TMEFF1: variants seen among roughly 807,000 people sequenced by gnomAD.
TMEFF1 encodes the protein transmembrane protein with EGF like and two follistatin like domains 1.
In TMEFF1, 20 loss-of-function variants were observed where a neutral mutation model predicts 47.5. That is an observed-to-expected ratio of 0.42 (90% CI 0.30 to 0.61). The LOEUF is 0.61. Ranked by LOEUF, TMEFF1 falls within the 20% of genes least tolerant of loss-of-function variation. TMEFF1 has a pLI of 0.19. For missense variants in TMEFF1, 411 were observed against 471.1 expected (o/e 0.87, Z 1.18); for synonymous variants, 162 against 166.3 (o/e 0.97, Z 0.20).
chr9:100,531,140 A>C (rs369792344), intron 5 of TMEFF1, among the ~76,000 whole-genome samples: 7 of 152,180 alleles, frequency 4.6e-5, no homozygotes, highest in Non-Finnish European at 5.9e-5. Flanking sequence ...ATACTGAATG[A>C]GCAAAAACTG....
At chr9:100,475,659 TAAAAG>T (rs1837209719) in intron 1 of TMEFF1, among the ~76,000 whole-genome samples, 3 of 151,594 alleles carry the variant, frequency 2.0e-5, no homozygotes, top group Admixed American at 6.6e-5. Flanking sequence ...AGAAAGGAAA[TAAAAG>T]AAATAGAGGG....
At chr9:100,531,175 A>G (rs1021388875) in intron 5 of TMEFF1, among the ~76,000 whole-genome samples, 4 of 152,214 alleles carry the variant, frequency 2.6e-5, no homozygotes, top group African/African-American at 9.6e-5. Flanking sequence ...GAAAACGGGC[A>G]CAAGACAGGG....
intron 7 of TMEFF1, among the ~76,000 whole-genome samples, chr9:100,553,694 T>C (rs1838867038): frequency 6.6e-6 from 1 of 152,246 alleles, no homozygotes; most frequent in Non-Finnish European, 1.5e-5. Flanking sequence ...GAGATGGGTA[T>C]GTGGCATTTA....
At chr9:100,559,796 T>C (rs1230185016) in intron 7 of TMEFF1, among the ~76,000 whole-genome samples, 1 of 152,172 alleles carries the variant, frequency 6.6e-6, no homozygotes, top group Non-Finnish European at 1.5e-5. Flanking sequence ...AGAATTTATA[T>C]GTTAGGTTCC....
At chr9:100,487,194 C>T (rs1837466386) in intron 1 of TMEFF1, among the ~76,000 whole-genome samples, 1 of 151,840 alleles carries the variant, frequency 6.6e-6, no homozygotes, top group African/African-American at 2.4e-5. Flanking sequence ...GGCAGGGTCT[C>T]ACTCTGTCAG....
chr9:100,508,966 A>G, intron 2 of TMEFF1, 39 bp from the exon 3 acceptor site: 4 of 1,519,454 alleles, frequency 2.6e-6, no homozygotes, highest in South Asian at 1.4e-5. Context: ...ATTAATATTC[A>G]TGCCTAGTTC....
intron 1 of TMEFF1, among the ~76,000 whole-genome samples, chr9:100,489,314 C>T (rs1337573830): frequency 6.6e-6 from 1 of 152,064 alleles, no homozygotes; most frequent in Non-Finnish European, 1.5e-5. Context: ...CGTGATTCTC[C>T]TATGTCAGTC....
At chr9:100,553,145 A>G (rs183654645) in intron 7 of TMEFF1, among the ~76,000 whole-genome samples, 1 of 152,316 alleles carries the variant, frequency 6.6e-6, no homozygotes, top group Admixed American at 6.5e-5. Context: ...GGACTAAACT[A>G]TGCTTGAATT....
At chr9:100,568,075 T>G (rs547934870) in intron 8 of TMEFF1, among the ~76,000 whole-genome samples, 2 of 152,068 alleles carry the variant, frequency 1.3e-5, no homozygotes, top group Non-Finnish European at 1.5e-5. Context: ...CCACGACACA[T>G]GGGAGTTGTG....
chr9:100,515,610 A>G (rs1838053203), intron 4 of TMEFF1, among the ~76,000 whole-genome samples: 1 of 151,922 alleles, frequency 6.6e-6, no homozygotes, highest in Admixed American at 6.6e-5. Flanking sequence ...ACATAGTGAA[A>G]CCCCGTCTCT....
At chr9:100,554,878 T>G (rs530120751) in intron 7 of TMEFF1, among the ~76,000 whole-genome samples, 1 of 152,198 alleles carries the variant, frequency 6.6e-6, no homozygotes, top group South Asian at 2.1e-4. Context: ...GATATAGTTG[T>G]GGCCTCAGTG....
chr9:100,477,117 T>G (rs1837248402), intron 1 of TMEFF1, among the ~76,000 whole-genome samples: 1 of 152,228 alleles, frequency 6.6e-6, no homozygotes, highest in Non-Finnish European at 1.5e-5. Flanking sequence ...CTGTGCGTGT[T>G]GGGTCACTCA....
In TMEFF1 at chr9:100,487,612, A is replaced by G. The variant is rs73655580; in HGVS notation, c.197-11153A>G. ...TAAAAAAATTATTCAATGTTTTACA[A>G]CAAAATTTGTCGGGGTTTCTGGTTA... On this transcript the variant is annotated intron_variant, in intron 1 of 9. Transcript: ENST00000374879. Among the ~76,000 whole-genome samples, 997 of 152,310 alleles carry G rather than the reference A, an allele frequency of 6.5e-3. 10 individuals carry two copies. Among genetic ancestry groups the G allele is most frequent in the African/African-American group, 0.023 (958 of 41,576 alleles).
At chr9:100,528,013 G>A (rs1007683690) in intron 5 of TMEFF1, among the ~76,000 whole-genome samples, 1 of 152,048 alleles carries the variant, frequency 6.6e-6, no homozygotes, top group African/African-American at 2.4e-5. Flanking sequence ...TATTCCAACA[G>A]ACCTGCAGCT....
chr9:100,492,566 T>A (rs1837574126), intron 1 of TMEFF1, among the ~76,000 whole-genome samples: 1 of 152,140 alleles, frequency 6.6e-6, no homozygotes, highest in Non-Finnish European at 1.5e-5. Context: ...CACACTTTGG[T>A]TAATCTGGAG....
chr9:100,512,160 A>G (rs1837980510), intron 3 of TMEFF1, among the ~76,000 whole-genome samples: 1 of 152,152 alleles, frequency 6.6e-6, no homozygotes, highest in East Asian at 1.9e-4. Context: ...CATAAAAACA[A>G]TTTTGAGTTT....
chr9:100,554,442 CA>C (rs1275841826), intron 7 of TMEFF1, among the ~76,000 whole-genome samples: 1 of 151,758 alleles, frequency 6.6e-6, no homozygotes, highest in Non-Finnish European at 1.5e-5. Flanking sequence ...GCGAGCACAT[CA>C]GGGGAAAAGG....
rs1332959534 is a variant in TMEFF1 at position 100,473,816 on chromosome 9, C to G, written c.196+76C>G. On this transcript the variant is annotated intron_variant, in intron 1 of 9. Coordinates refer to ENST00000374879, the MANE Select transcript of TMEFF1 (RefSeq NM_003692.5). The surrounding 1 kb of genome is among the most constrained non-coding windows in gnomAD (Gnocchi z 5.4). ...CTCCCTCGTGGTCCCTGCGGTCGGCCGGGCTGGGAAAGACCCCGTCGTGGG... is the reference window on the plus strand; with the variant it reads ...CTCCCTCGTGGTCCCTGCGGTCGGCGGGGCTGGGAAAGACCCCGTCGTGGG... 2.5e-5 allele frequency: 34 copies of G among 1,382,654 alleles called. No homozygotes were observed. Among genetic ancestry groups the G allele is most frequent in the Admixed American group, 5.9e-5 (2 of 34,152 alleles). 85.6% of individuals were successfully genotyped at this position (1,382,654 alleles called of 1,614,324 possible). A position where few individuals can be genotyped will look rare whatever the true frequency, so the allele number is the denominator to read the frequency against.
At position 100,510,026 on chromosome 9, in the gene TMEFF1, G is replaced by T. The variant is rs116351437; in HGVS notation, c.436+892G>T. 2.4e-3 allele frequency among the ~76,000 whole-genome samples: 359 copies of T among 152,256 alleles called. 3 individuals are homozygous for T. Among genetic ancestry groups the T allele is most frequent in the African/African-American group, 7.8e-3 (323 of 41,554 alleles). On this transcript the variant is annotated intron_variant, in intron 3 of 9. Transcript: ENST00000374879. Reference sequence around the variant, plus strand: ...TTGAATTATTATATCAAGGTTAGTGGTAAAGGTGAAGGCCATTCTTAGGGG... The same window carrying T: ...TTGAATTATTATATCAAGGTTAGTGTTAAAGGTGAAGGCCATTCTTAGGGG...
Sources: gnomAD v4.1 joint callset for allele counts (sites outside exome capture counted in the v4.1 genomes callset) on GRCh38, gnomAD v4.1.1 for gene constraint, Gnocchi (gnomAD v3.1) non-coding constraint, MANE v1.5 for transcripts, NCBI Gene and HGNC (gene_info 2026-07-23, HGNC 2026-07-21) for gene names.